Variants in NDST2 observed in about 807,000 individuals in gnomAD.
NDST2 encodes N-deacetylase and N-sulfotransferase 2.
NDST2 carries 32 observed loss-of-function variants against 86.9 expected under a neutral mutation model. The observed-to-expected ratio is 0.37, with a 90% CI of 0.28 to 0.49. NDST2 has a LOEUF of 0.49. Ranked by LOEUF, NDST2 falls within the 20% of genes least tolerant of loss-of-function variation. The probability of loss-of-function intolerance (pLI) is 0.97; values close to 1 mark genes in which losing one functional copy is unlikely to be tolerated. For synonymous variants in NDST2, 409 were observed against 437.0 expected (o/e 0.94, Z 0.80); for missense variants, 950 against 1,146.9 (o/e 0.83, Z 2.48).
chr10:73,811,757 C>A (rs920752090), upstream of NDST2: 1 of 152,178 alleles, frequency 6.6e-6, no homozygotes, highest in African/African-American at 2.4e-5. Flanking sequence ...CCGCGGCCTC[C>A]GAGACGGCGG....
Position 73,803,008 on chromosome 10 carries a change from C to A in NDST2, c.2387G>T (p.Gly796Val). The change falls in exon 13 of 15, where the codon GGT (glycine) becomes GTT (valine). Residue 796 changes from glycine to valine, a missense_variant. By Grantham distance (109) the Gly-to-Val change is moderately radical. Transcript: ENST00000309979. Reference sequence around the variant, plus strand: ...TGTGTAGTTCAGAAAGGGTGTGATACCCAGGAACTTCTGGATGCTCTCCAT... The same window carrying A: ...TGTGTAGTTCAGAAAGGGTGTGATAACCAGGAACTTCTGGATGCTCTCCAT... The part of the protein sequence containing the change: ...ASMESIQKFL[G>V]ITPFLNYTRT... The A allele has an allele frequency of 6.2e-7, 1 of 1,614,182 alleles. No homozygotes were observed. The highest frequency in any genetic ancestry group is 8.5e-7 in the Non-Finnish European group (1 of 1,180,040).
intron 8 of NDST2, among the ~76,000 whole-genome samples, chr10:73,805,231 G>A (rs568163407): frequency 6.6e-6 from 1 of 150,788 alleles, no homozygotes; most frequent in East Asian, 2.1e-4. Context: ...CCCCCACCCC[G>A]GCTGGGCGCA....
chr10:73,804,139 C>A, intron 9 of NDST2, 123 bp from the exon 10 acceptor site: 1 of 1,141,770 alleles, frequency 8.8e-7, no homozygotes, highest in Non-Finnish European at 1.2e-6. Context: ...TATGGCCAAA[C>A]TACAATGATA....
intron 1 of NDST2, 137 bp from the exon 2 acceptor site, chr10:73,811,040 C>T (rs1424932917): frequency 2.3e-5 from 9 of 390,878 alleles, no homozygotes; most frequent in Non-Finnish European, 3.6e-5. Context: ...CAGACGGGGG[C>T]CGGGGCCGGG....
At position 73,805,797 on chromosome 10, in the gene NDST2, T is replaced by G. The variant is rs1184177477; in HGVS notation, c.1564-28A>C. 6 of 1,613,522 alleles carry G rather than the reference T, an allele frequency of 3.7e-6. No homozygotes were observed. The African/African-American group carries it at 5.3e-5, about 14-fold the overall frequency. ...GTAAGGGGTACCTGCATGTCAGATT[T>G]GGAGAGCCTACCCCACCTCTGAATT... is the stretch of plus-strand genomic sequence containing the variant. On this transcript the variant is annotated intron_variant, in intron 7 of 14. Transcript: ENST00000309979.
rs770278084 is a variant in NDST2, at chr10:73,802,031, C to T, written c.*420G>A. The T allele has an allele frequency of 1.1e-5, 4 of 349,790 alleles. No homozygotes were observed. The highest frequency in any genetic ancestry group is 7.7e-5 in the East Asian group (1 of 12,998). 21.7% of individuals were successfully genotyped at this position (349,790 alleles called of 1,614,324 possible). ...TCAATGTGAATGACATTAGGGAGGC[C>T]GGGCCACAGGTAGATCCCACTGCCT... On this transcript the variant is annotated 3_prime_UTR_variant, in exon 15 of 15. Transcript: ENST00000309979.
At position 73,803,663 on chromosome 10, in the gene NDST2, C is replaced by G; in HGVS notation, c.2053G>C (p.Val685Leu). ...KSATYFDSEVVPRRGAALLPR... is the reference protein window; with the variant it reads ...KSATYFDSEVLPRRGAALLPR... ...AGGAGGGCAGCCCCCCGCCGTGGTACAACTTCAGAGTCAAAGTAGGTGGCA... is the reference window on the plus strand; with the variant it reads ...AGGAGGGCAGCCCCCCGCCGTGGTAGAACTTCAGAGTCAAAGTAGGTGGCA... Residue 685 changes from valine (V) to leucine (L), a missense_variant, in exon 11 of 15, where the codon GTA (valine) becomes CTA (leucine). By Grantham distance (32) the Val-to-Leu change is conservative (BLOSUM62 1). Coordinates refer to ENST00000309979, the MANE Select transcript of NDST2 (RefSeq NM_003635.4). 1.9e-6 allele frequency: 3 copies of G among 1,614,082 alleles called. No homozygotes were observed. Among genetic ancestry groups the G allele is most frequent in the Non-Finnish European group, 2.5e-6 (3 of 1,180,028 alleles).
chr10:73,807,704 T>C lies in NDST2; in HGVS notation c.685A>G (p.Ile229Val), dbSNP rs757789904. The C allele has an allele frequency of 3.7e-6, 6 of 1,614,056 alleles. No homozygotes were observed. The highest frequency in any genetic ancestry group is 1.3e-5 in the African/African-American group (1 of 74,904). The change falls in exon 3 of 15, where the codon ATC (isoleucine) becomes GTC (valine). Residue 229 changes from isoleucine (I) to valine (V), a missense_variant. Physicochemically the swap from Ile to Val is conservative, Grantham distance 29. This residue lies in a region of NDST2 where 586 missense variants were observed against 714.0 expected (regional missense o/e 0.82). Coordinates refer to ENST00000309979, the MANE Select transcript of NDST2 (RefSeq NM_003635.4). The part of the protein sequence containing the change: ...PGPLPGDDWT[I>V]FQSNHSTYEP... Reference sequence around the variant, plus strand: ...TATGTACTATGATTGGATTGGAAGATGGTCCAGTCATCACCAGGCAGTGGC... The same window carrying C: ...TATGTACTATGATTGGATTGGAAGACGGTCCAGTCATCACCAGGCAGTGGC...
intron 7 of NDST2, 48 bp downstream of exon 7, chr10:73,805,852 A>G (rs773994235): frequency 6.2e-7 from 1 of 1,613,510 alleles, no homozygotes; most frequent in South Asian, 1.1e-5. Flanking sequence ...CCCAGCCTGC[A>G]AACACCTTGG....
intron 2 of NDST2, among the ~76,000 whole-genome samples, chr10:73,810,224 C>G (rs900548438): frequency 2.0e-5 from 3 of 152,072 alleles, no homozygotes; most frequent in Non-Finnish European, 4.4e-5. Context: ...TGTGAAAGGC[C>G]GAAGCGGGTG....
At chr10:73,803,404 G>A (rs926512848) in intron 11 of NDST2, 45 bp from the exon 12 acceptor site, 7 of 1,608,532 alleles carry the variant, frequency 4.4e-6, no homozygotes, top group Admixed American at 1.7e-5. Context: ...TGATTTGACA[G>A]TATTCTGCCC....
At chr10:73,809,709 G>A (rs1423760639) in intron 2 of NDST2, among the ~76,000 whole-genome samples, 1 of 152,148 alleles carries the variant, frequency 6.6e-6, no homozygotes, top group East Asian at 1.9e-4. Flanking sequence ...TCAGAAAACA[G>A]TTTTAAGGAG....
At position 73,802,410 on chromosome 10, in the gene NDST2, G is replaced by C. The variant is rs779967685; in HGVS notation, c.*41C>G. ...GGCCCTGCTCTGGACCTGCCCCTTA[G>C]GGAAGCAGGGGGCATTTTGCTGGTA... On this transcript the variant is annotated 3_prime_UTR_variant, in exon 15 of 15. Coordinates refer to ENST00000309979, the MANE Select transcript of NDST2 (RefSeq NM_003635.4). The C allele has an allele frequency of 8.1e-6, 13 of 1,610,564 alleles. No homozygotes were observed. The highest frequency in any genetic ancestry group is 1.1e-5 in the Non-Finnish European group (13 of 1,179,346).
chr10:73,803,991 C>G lies in NDST2; in HGVS notation c.1869G>C (p.Leu623=). 6.2e-7 allele frequency: 1 copy of G among 1,614,000 alleles called. No homozygotes were observed. Among genetic ancestry groups the G allele is most frequent in the Non-Finnish European group, 8.5e-7 (1 of 1,180,004 alleles). The change falls in exon 10 of 15, where the codon CTG becomes CTC. Residue 623 remains leucine (L), a synonymous_variant. Coordinates refer to ENST00000309979, the MANE Select transcript of NDST2 (RefSeq NM_003635.4). ...KTGTTAIHFF[L]SLHPAVTSSF... is the part of the protein sequence containing the mutation. ...TGCTAGTTACAGCTGGGTGCAGGCT[C>G]AGGAAGAAGTGAATAGCTGTAGTCC...
rs1006700702 is a variant in NDST2, at chr10:73,808,505, T to G, written c.-117A>C. Reference sequence around the variant, plus strand: ...AGGATAGGAAAATAGGGGACAGGGATTCCCTTGGGGAGTTTCCTTTACGAG... The same window carrying G: ...AGGATAGGAAAATAGGGGACAGGGAGTCCCTTGGGGAGTTTCCTTTACGAG... On this transcript the variant is annotated 5_prime_UTR_variant, in exon 3 of 15. Coordinates refer to ENST00000309979, the MANE Select transcript of NDST2 (RefSeq NM_003635.4). This position sits in a 1 kb window ranked among gnomAD's most constrained non-coding sequence, Gnocchi z 4.3. The G allele has an allele frequency of 3.8e-6, 4 of 1,042,926 alleles. No homozygotes were observed. Among genetic ancestry groups the G allele is most frequent in the Non-Finnish European group, 4.1e-6 (3 of 735,644 alleles). The allele number at this position is 1,042,926 out of a possible 1,614,324, so 64.6% of individuals were successfully genotyped here. A position where few individuals can be genotyped will look rare whatever the true frequency, so the allele number is the denominator to read the frequency against.
rs1397610441 is a variant in NDST2, at chr10:73,807,497, C to T, written c.892G>A (p.Ala298Thr). 1 of 1,614,044 alleles carries T rather than the reference C, an allele frequency of 6.2e-7. No homozygotes were observed. The highest frequency in any genetic ancestry group is 1.3e-5 in the African/African-American group (1 of 74,908). The change falls in exon 3 of 15, where the codon GCA becomes ACA. Residue 298 changes from alanine (A) to threonine (T), a missense_variant. Ala to Thr is a moderately conservative substitution (Grantham distance 58). Transcript: ENST00000309979. ...CAGAGGCGCTTGCCAGTGAGGTATG[C>T]AACAGCATCAACGAAGATAAGTTTG... ...LHKLIFVDAV[A>T]YLTGKRLCLD...
At chr10:73,810,094 C>G (rs1169543754) in intron 2 of NDST2, among the ~76,000 whole-genome samples, 2 of 152,152 alleles carry the variant, frequency 1.3e-5, no homozygotes, top group African/African-American at 4.8e-5. Context: ...TCTCTACCAC[C>G]CACCCCCAAA....
rs746704072 is a variant in NDST2 at position 73,803,765 on chromosome 10, A to AAG, written c.1968-19_1968-18dup. 6.2e-7 allele frequency: 1 copy of AAG among 1,613,796 alleles called. No individual in the cohort carries two copies. Among genetic ancestry groups the AAG allele is most frequent in the African/African-American group, 1.3e-5 (1 of 74,928 alleles). ...TCCATGTACCTAGGAAGTAGCACAG[A>AAG]AGAGAGAGAAGCAGAAAAATATGCA... is the stretch of plus-strand genomic sequence containing the variant. On this transcript the variant is annotated splice_polypyrimidine_tract_variant and intron_variant, in intron 10 of 14. Coordinates refer to ENST00000309979, the MANE Select transcript of NDST2 (RefSeq NM_003635.4).
At chr10:73,804,586 G>C (rs571084764) in intron 9 of NDST2, among the ~76,000 whole-genome samples, 187 bp downstream of exon 9, 4 of 152,048 alleles carry the variant, frequency 2.6e-5, no homozygotes, top group African/African-American at 9.6e-5. Flanking sequence ...GTAGTGAGCT[G>C]AGATCGTGCC....
Sources: allele counts gnomAD v4.1 joint callset (sites outside exome capture counted in the v4.1 genomes callset), GRCh38; gene constraint gnomAD v4.1.1; regional missense constraint gnomAD v4.1.1; non-coding constraint Gnocchi (gnomAD v3.1); transcripts MANE v1.5; gene names NCBI Gene and HGNC (gene_info 2026-07-23, HGNC 2026-07-21).